NKAIN2: variants seen among roughly 807,000 people sequenced by gnomAD.
NKAIN2 encodes the protein sodium/potassium-transporting ATPase subunit beta-1-interacting protein 2.
Under a neutral mutation model 32.6 loss-of-function variants are expected in NKAIN2, and 14 were observed. The ratio of observed to expected loss-of-function variants is 0.43; its 90% CI spans 0.28 to 0.67. The LOEUF is 0.67. Ranked by LOEUF, NKAIN2 falls within the 30% of genes least tolerant of loss-of-function variation. NKAIN2 has a pLI of 0.17. For missense variants in NKAIN2, 198 were observed against 258.3 expected, an observed-to-expected ratio of 0.77 and a Z score of 1.60; for synonymous variants, 80 against 87.2, an observed-to-expected ratio of 0.92 and a Z score of 0.46.
At chr6:124,153,768 T>C (rs895831846) in intron 1 of NKAIN2, among the ~76,000 whole-genome samples, 1 of 151,728 alleles carries the variant, frequency 6.6e-6, no homozygotes, top group Non-Finnish European at 1.5e-5. Flanking sequence ...CCTTTGCAAA[T>C]AAAATTAGTT....
At position 124,174,468 on chromosome 6, in the gene NKAIN2, A is replaced by G. The variant is rs547826445; in HGVS notation, c.55-108537A>G. 3.0e-4 allele frequency among the ~76,000 whole-genome samples: 46 copies of G among 152,204 alleles called. No homozygotes were observed. The South Asian group carries it at 9.3e-3, about 31-fold the overall frequency. On this transcript the variant is annotated intron_variant, in intron 1 of 6. Coordinates refer to ENST00000368417, the MANE Select transcript of NKAIN2 (RefSeq NM_001040214.3). The stretch of plus-strand genomic sequence containing the variant: ...GGCAGCCTAAGTACAATGAAGAAAA[A>G]CTCATAATTTTAGTAATTTAGCACA...
intron 1 of NKAIN2, among the ~76,000 whole-genome samples, chr6:124,264,615 T>G (rs1247854059): frequency 6.6e-6 from 1 of 152,156 alleles, no homozygotes; most frequent in Non-Finnish European, 1.5e-5. Context: ...TTAATTACAT[T>G]GTGGAATGTG....
At chr6:124,452,926 T>C (rs760342828) in intron 3 of NKAIN2, among the ~76,000 whole-genome samples, 1 of 152,030 alleles carries the variant, frequency 6.6e-6, no homozygotes, top group African/African-American at 2.4e-5. Flanking sequence ...CACAATTAGT[T>C]GAGTGGTTTG....
chr6:124,210,400 A>G (rs1582853035), intron 1 of NKAIN2, among the ~76,000 whole-genome samples: 3 of 152,060 alleles, frequency 2.0e-5, no homozygotes, highest in South Asian at 2.1e-4. Flanking sequence ...CTTTTTGCTC[A>G]GGATGGCTTT....
intron 1 of NKAIN2, among the ~76,000 whole-genome samples, chr6:123,916,982 A>C (rs1041457600): frequency 6.6e-6 from 1 of 152,164 alleles, no homozygotes; most frequent in African/African-American, 2.4e-5. Flanking sequence ...AGTCCTCTTC[A>C]AAACATTTTA....
intron 4 of NKAIN2, among the ~76,000 whole-genome samples, chr6:124,695,166 A>C (rs1222966654): frequency 7.0e-6 from 1 of 143,788 alleles, no homozygotes. Context: ...ACTGTAGCCT[A>C]CCCAGAAAAA....
At chr6:124,165,951 A>G (rs1158799084) in intron 1 of NKAIN2, among the ~76,000 whole-genome samples, 1 of 108,372 alleles carries the variant, frequency 9.2e-6, no homozygotes, top group Non-Finnish European at 1.8e-5. Flanking sequence ...AGTCTTTGCT[A>G]TTGTGAATAG....
intron 4 of NKAIN2, among the ~76,000 whole-genome samples, chr6:124,774,834 C>T (rs1318079841): frequency 4.5e-5 from 6 of 133,862 alleles, no homozygotes; most frequent in African/African-American, 1.4e-4. Flanking sequence ...CCAGCATGGG[C>T]TAGAAGAGCA....
intron 2 of NKAIN2, among the ~76,000 whole-genome samples, chr6:124,308,356 T>G (rs1796593951): frequency 6.6e-6 from 1 of 152,164 alleles, no homozygotes. Flanking sequence ...GGTAGAAGAT[T>G]TATCAAACTC....
chr6:124,033,890 T>C (rs1781501928), intron 1 of NKAIN2, among the ~76,000 whole-genome samples: 1 of 152,186 alleles, frequency 6.6e-6, no homozygotes, highest in Non-Finnish European at 1.5e-5. Context: ...TACCTCTCTG[T>C]TGGCTTAGTA....
At chr6:124,152,778 G>A (rs938897629) in intron 1 of NKAIN2, among the ~76,000 whole-genome samples, 3 of 151,872 alleles carry the variant, frequency 2.0e-5, no homozygotes, top group African/African-American at 7.2e-5. Flanking sequence ...GTGGATGAAT[G>A]GAAATAGAAA....
At chr6:123,895,384 G>A (rs1408841248) in intron 1 of NKAIN2, among the ~76,000 whole-genome samples, 2 of 152,020 alleles carry the variant, frequency 1.3e-5, no homozygotes, top group Non-Finnish European at 2.9e-5. Context: ...ATTACACATG[G>A]CATTATTTCA....
At chr6:124,599,925 G>T (rs923598398) in intron 3 of NKAIN2, among the ~76,000 whole-genome samples, 5 of 152,078 alleles carry the variant, frequency 3.3e-5, no homozygotes, top group African/African-American at 1.2e-4. Flanking sequence ...AATCAAAAGT[G>T]GTGCAGAGCA....
At chr6:124,179,477 A>C (rs1789329636) in intron 1 of NKAIN2, among the ~76,000 whole-genome samples, 1 of 152,260 alleles carries the variant, frequency 6.6e-6, no homozygotes, top group Non-Finnish European at 1.5e-5. Flanking sequence ...CAATTGATAG[A>C]AATGTAAAGC....
At chr6:124,521,772 T>A (rs1261307508) in intron 3 of NKAIN2, among the ~76,000 whole-genome samples, 3 of 152,200 alleles carry the variant, frequency 2.0e-5, no homozygotes, top group African/African-American at 7.2e-5. Context: ...CCTTGATGTG[T>A]TCAGTTGTAA....
chr6:124,594,855 A>G (rs1782027928), intron 3 of NKAIN2, among the ~76,000 whole-genome samples: 1 of 152,098 alleles, frequency 6.6e-6, no homozygotes, highest in Non-Finnish European at 1.5e-5. Context: ...AATGGGTTAC[A>G]TTAGACAGGA....
intron 2 of NKAIN2, among the ~76,000 whole-genome samples, chr6:124,293,586 C>T (rs1523972): frequency 0.059 from 8,901 of 152,114 alleles, 328 homozygotes; most frequent in Admixed American, 0.09. Flanking sequence ...CCAATCTTTT[C>T]TACAATAATT....
chr6:124,670,820 T>C (rs572328783), intron 4 of NKAIN2, among the ~76,000 whole-genome samples: 80 of 152,172 alleles, frequency 5.3e-4, no homozygotes, highest in African/African-American at 1.9e-3. Context: ...TGATGACAAA[T>C]AGTCTGCCCA....
chr6:124,541,356 T>A (rs1218408727), intron 3 of NKAIN2, among the ~76,000 whole-genome samples: 1 of 152,118 alleles, frequency 6.6e-6, no homozygotes, highest in Non-Finnish European at 1.5e-5. Flanking sequence ...TTCTCTAAAC[T>A]CCAGTTTCCC....
Sources: gnomAD v4.1 joint callset for allele counts (sites outside exome capture counted in the v4.1 genomes callset) on GRCh38, gnomAD v4.1.1 for gene constraint, MANE v1.5 for transcripts, NCBI Gene and HGNC (gene_info 2026-07-23, HGNC 2026-07-21) for gene names.